CLPSL2: variants seen among roughly 807,000 people sequenced by gnomAD.
CLPSL2 encodes the protein colipase-like protein 2.
A neutral mutation model predicts 7.9 loss-of-function variants in CLPSL2; 4 were observed. That is an observed-to-expected ratio of 0.50 (90% CI 0.25 to 1.15). CLPSL2 has a LOEUF of 1.15. Ranked by LOEUF, CLPSL2 falls within the 50% of genes most tolerant of loss-of-function variation. The pLI, the probability that CLPSL2 is intolerant of heterozygous loss-of-function variation, is 0.15. For synonymous variants in CLPSL2, 67 were observed against 53.1 expected, an observed-to-expected ratio of 1.26 and a Z score of -1.14; for missense variants, 132 against 136.6, an observed-to-expected ratio of 0.97 and a Z score of 0.17.
chr6:35,777,986 C>T (rs1162866858), intron 2 of CLPSL2: 1 of 698,764 alleles, frequency 1.4e-6, no homozygotes. Flanking sequence ...GATGGAGTCT[C>T]GCTCTGTCAC....
Position 35,777,547 on chromosome 6 carries a change from C to G in CLPSL2, c.173C>G (p.Pro58Arg). ...GACTCCGGTGGAGCCTTCTGTGCCC[C>G]CAGGGCCAGAATAACCATGATCTGC... is the stretch of plus-strand genomic sequence containing the variant. ...DLDSGGAFCA[P>R]RARITMICLP... Residue 58 changes from proline (P) to arginine (R), a missense_variant, in exon 2 of 3, where the codon CCC (proline) becomes CGC (arginine). Coordinates refer to ENST00000403376, the MANE Select transcript of CLPSL2 (RefSeq NM_207409.4). The G allele has an allele frequency of 1.2e-6, 2 of 1,613,760 alleles. No homozygotes were observed. The highest frequency in any genetic ancestry group is 1.7e-6 in the Non-Finnish European group (2 of 1,179,820).
intron 1 of CLPSL2, among the ~76,000 whole-genome samples, chr6:35,776,996 C>G (rs1485185855): frequency 6.6e-6 from 1 of 152,110 alleles, no homozygotes; most frequent in Non-Finnish European, 1.5e-5. Flanking sequence ...CCTCCCCAAA[C>G]TGCTCACAGG....
chr6:35,777,780 A>G (rs1767874327), intron 2 of CLPSL2, 199 bp downstream of exon 2: 2 of 726,714 alleles, frequency 2.8e-6, no homozygotes, highest in Admixed American at 2.0e-5. Flanking sequence ...GAGCTCCTGT[A>G]CCCTGGGGTC....
intron 2 of CLPSL2, among the ~76,000 whole-genome samples, chr6:35,778,870 T>G (rs1561937332): frequency 1.3e-5 from 2 of 152,176 alleles, no homozygotes; most frequent in Non-Finnish European, 1.5e-5. Context: ...CTTGGCCCAC[T>G]GCAACCTCCA....
intron 2 of CLPSL2, among the ~76,000 whole-genome samples, chr6:35,779,064 G>A (rs770354237): frequency 1.3e-5 from 2 of 152,132 alleles, no homozygotes; most frequent in Admixed American, 6.5e-5. Context: ...GAGCCACCGC[G>A]CATGGCCTAA....
At position 35,777,481 on chromosome 6, in the gene CLPSL2, A is replaced by T. The variant is rs762165998; in HGVS notation, c.107A>T (p.His36Leu). 2 of 1,613,384 alleles carry T rather than the reference A, an allele frequency of 1.2e-6. No homozygotes were observed. Among genetic ancestry groups the T allele is most frequent in the South Asian group, 2.2e-5 (2 of 91,064 alleles). ...YKKKITDRCF[H>L]HSECYSGCCL... The stretch of plus-strand genomic sequence containing the variant: ...CAGAAAATCACAGACAGGTGCTTCC[A>T]CCACTCTGAGTGCTACAGTGGCTGC... The change falls in exon 2 of 3, where the codon CAC becomes CTC. Residue 36 changes from histidine to leucine, a missense_variant. Physicochemically the swap from His to Leu is moderately conservative, Grantham distance 99. Transcript: ENST00000403376.
intron 1 of CLPSL2, 136 bp from the exon 2 acceptor site, chr6:35,777,323 G>GC: frequency 1.1e-6 from 1 of 947,118 alleles, no homozygotes; most frequent in East Asian, 2.5e-5. Context: ...GGGGGAACCA[G>GC]CCCCCCAAGG....
chr6:35,776,992 C>G (rs2296662), intron 1 of CLPSL2, among the ~76,000 whole-genome samples: 53,799 of 151,888 alleles, frequency 0.35, 9,583 homozygotes, highest in East Asian at 0.45. Flanking sequence ...CTTCCCTCCC[C>G]AAACTGCTCA....
intron 2 of CLPSL2, chr6:35,777,840 G>A: frequency 1.4e-6 from 1 of 717,558 alleles, no homozygotes; most frequent in African/African-American, 1.7e-5. Flanking sequence ...TCTTTTCTCT[G>A]CCTCTCCCAG....
chr6:35,776,655 T>C lies in CLPSL2; in HGVS notation c.37T>C (p.Ser13Pro), dbSNP rs1467241602. The C allele has an allele frequency of 6.7e-7, 1 of 1,493,894 alleles. No individual in the cohort carries two copies. Among genetic ancestry groups the C allele is most frequent in the Non-Finnish European group, 8.9e-7 (1 of 1,129,360 alleles). 92.5% of individuals were successfully genotyped at this position (1,493,894 alleles called of 1,614,324 possible). ...AALALVAGVL[S>P]GAVLPLWSAL... The stretch of plus-strand genomic sequence containing the variant: ...CCTGGCGCTCGTGGCGGGGGTCCTG[T>C]CGGGGGCGGTGCTGCCCCTCTGGAG... Residue 13 changes from serine to proline, a missense_variant, in exon 1 of 3, where the codon TCG becomes CCG. Physicochemically the swap from Ser to Pro is moderately conservative, Grantham distance 74. Transcript: ENST00000403376.
chr6:35,777,165 C>T (rs1029014770), intron 1 of CLPSL2, among the ~76,000 whole-genome samples: 3 of 152,128 alleles, frequency 2.0e-5, no homozygotes, highest in Admixed American at 6.5e-5. Flanking sequence ...AACCCTGCCC[C>T]GCAAAATGGG....
In CLPSL2 at chr6:35,776,627, A is replaced by G. The variant is rs999874326; in HGVS notation, c.9A>G (p.Ala3=). MA[A]ALALVAGVLS... is the part of the protein sequence containing the mutation. ...CTCTGCCGCCCAGGCCCATGGCCGC[A>G]GCCCTGGCGCTCGTGGCGGGGGTCC... The change falls in exon 1 of 3, where the codon GCA becomes GCG. Residue 3 remains alanine (A), a synonymous_variant. Coordinates refer to ENST00000403376, the MANE Select transcript of CLPSL2 (RefSeq NM_207409.4). 6.7e-7 allele frequency: 1 copy of G among 1,499,332 alleles called. No individual in the cohort carries two copies. Among genetic ancestry groups the G allele is most frequent in the Non-Finnish European group, 8.8e-7 (1 of 1,131,652 alleles). 92.9% of individuals were successfully genotyped at this position (1,499,332 alleles called of 1,614,324 possible).
At chr6:35,778,623 G>A (rs1188107771) in intron 2 of CLPSL2, among the ~76,000 whole-genome samples, 5 of 152,106 alleles carry the variant, frequency 3.3e-5, no homozygotes, top group Non-Finnish European at 7.4e-5. Context: ...AATGCAGGGA[G>A]CAGAATGCTC....
chr6:35,777,407 C>A (rs1375087631), intron 1 of CLPSL2, 52 bp from the exon 2 acceptor site: 14 of 1,597,292 alleles, frequency 8.8e-6, no homozygotes, highest in Non-Finnish European at 1.2e-5. Flanking sequence ...TACCCGCCCA[C>A]ACGACTCAGG....
chr6:35,778,142 G>C (rs543626527), intron 2 of CLPSL2, among the ~76,000 whole-genome samples: 24 of 152,286 alleles, frequency 1.6e-4, no homozygotes, highest in Non-Finnish European at 3.1e-4. Flanking sequence ...CTTTGGTAGA[G>C]ATGGGGTTTT....
intron 2 of CLPSL2, 101 bp downstream of exon 2, chr6:35,777,682 A>G: frequency 1.5e-6 from 2 of 1,339,396 alleles, no homozygotes; most frequent in Non-Finnish European, 2.0e-6. Flanking sequence ...CTCTGTCTGG[A>G]GTGCCCTTCT....
chr6:35,777,564 A>G lies in CLPSL2; in HGVS notation c.190A>G (p.Met64Val). 1 of 1,613,534 alleles carries G rather than the reference A, an allele frequency of 6.2e-7. No homozygotes were observed. Among genetic ancestry groups the G allele is most frequent in the Non-Finnish European group, 8.5e-7 (1 of 1,179,750 alleles). Residue 64 changes from methionine (M) to valine (V), a missense_variant, in exon 2 of 3, where the codon ATG becomes GTG. Met to Val is a conservative substitution (Grantham distance 21). Transcript: ENST00000403376. ...CTGTGCCCCCAGGGCCAGAATAACC[A>G]TGATCTGCTTGCCCCAGGTGAGGCC... ...AFCAPRARIT[M>V]ICLPQTKGAT...
chr6:35,777,622 G>A (rs1410088697), intron 2 of CLPSL2, 41 bp downstream of exon 2: 10 of 1,583,182 alleles, frequency 6.3e-6, no homozygotes, highest in African/African-American at 1.4e-5. Context: ...AAGTAGAGAA[G>A]CGGGCAGGGA....
chr6:35,776,730 C>G, intron 1 of CLPSL2, 28 bp downstream of exon 1: 1 of 1,361,394 alleles, frequency 7.3e-7, no homozygotes, highest in South Asian at 1.7e-5. Context: ...CCCAGCCGGC[C>G]GCGACCGCAG....
Sources: gnomAD v4.1 joint callset for allele counts (sites outside exome capture counted in the v4.1 genomes callset) on GRCh38, gnomAD v4.1.1 for gene constraint, MANE v1.5 for transcripts, NCBI Gene and HGNC (gene_info 2026-07-23, HGNC 2026-07-21) for gene names.